CGN: variants seen among roughly 807,000 people sequenced by gnomAD.
CGN encodes cingulin.
A neutral mutation model predicts 157.1 loss-of-function variants in CGN; 121 were observed. That is an observed-to-expected ratio of 0.77 (90% CI 0.66 to 0.90). The LOEUF is 0.90. Among genes scored for constraint, CGN ranks in the 40% least tolerant of loss-of-function variants. The pLI is 0.00. For missense variants in CGN, 1,424 were observed against 1,520.9 expected (o/e 0.94, Z 1.06); for synonymous variants, 535 against 607.5 (o/e 0.88, Z 1.76).
At position 151,525,625 on chromosome 1, in the gene CGN, A is replaced by G. The variant is rs1341500449; in HGVS notation, c.1615-17A>G. 2.6e-6 allele frequency: 4 copies of G among 1,546,626 alleles called. No individual in the cohort carries two copies. Among genetic ancestry groups the G allele is most frequent in the Non-Finnish European group, 3.5e-6 (4 of 1,149,858 alleles). On this transcript the variant is annotated splice_polypyrimidine_tract_variant and intron_variant, in intron 8 of 20. Transcript: ENST00000271636. ...TTCCCTCTGAGCCTTCTGGTGTCCA[A>G]CTCTCCCCTTCTCTAGGACCATGCA...
rs532062226 is a variant in CGN at position 151,525,650 on chromosome 1, A to G, written c.1623A>G (p.Ala541=). 4 of 1,598,336 alleles carry G rather than the reference A, an allele frequency of 2.5e-6. No homozygotes were observed. The highest frequency in any genetic ancestry group is 1.7e-5 in the Admixed American group (1 of 57,410). Residue 541 remains alanine, a synonymous_variant, in exon 9 of 21, where the codon GCA becomes GCG. Transcript: ENST00000271636. ...ACTCTCCCCTTCTCTAGGACCATGC[A>G]GTGCTGGAGGCCGAGAGGCAGAAGA... ...RSMQDATQDH[A]VLEAERQKMS...
At chr1:151,520,774 C>G in intron 5 of CGN, 83 bp downstream of exon 5, 1 of 1,042,030 alleles carries the variant, frequency 9.6e-7, no homozygotes, top group Admixed American at 2.0e-5. Context: ...GCTGACCCTT[C>G]TAAGCAATGG....
At chr1:151,516,841 C>T (rs915948062) in intron 1 of CGN, among the ~76,000 whole-genome samples, 24 of 151,390 alleles carry the variant, frequency 1.6e-4, no homozygotes, top group Non-Finnish European at 3.1e-4. Context: ...CATGCCCGGC[C>T]GAGTGGCACA....
chr1:151,520,678 A>C lies in CGN; in HGVS notation c.1127A>C (p.Asp376Ala). ...RKVEELQRKL[D>A]EEVKKRQKLE... ...GTGGAGGAGCTACAGCGAAAGCTGG[A>C]TGAAGAGGTGAAGGTAAGGAAAGGT... The change falls in exon 5 of 21, where the codon GAT becomes GCT. Residue 376 changes from aspartate to alanine, a missense_variant. This residue lies in a region of CGN where 1,187 missense variants were observed against 1,217.6 expected (regional missense o/e 0.97). Coordinates refer to ENST00000271636, the MANE Select transcript of CGN (RefSeq NM_020770.3). 1 of 1,613,728 alleles carries C rather than the reference A, an allele frequency of 6.2e-7. No individual in the cohort carries two copies. Among genetic ancestry groups the C allele is most frequent in the Non-Finnish European group, 8.5e-7 (1 of 1,179,812 alleles).
At chr1:151,528,599 T>C (rs774941180) in intron 10 of CGN, among the ~76,000 whole-genome samples, 8 of 152,002 alleles carry the variant, frequency 5.3e-5, no homozygotes, top group Non-Finnish European at 1.2e-4. Flanking sequence ...GTATTTTTGG[T>C]AGAGACAGGG....
upstream of CGN, chr1:151,511,311 G>C (rs1664279520): frequency 6.5e-6 from 1 of 153,130 alleles, no homozygotes. The surrounding 1 kb of genome is among the most constrained non-coding windows in gnomAD (Gnocchi z 4.8). Flanking sequence ...AGCGGGGAAA[G>C]GCGGGGCGGG....
chr1:151,518,663 CAGT>C lies in CGN; in HGVS notation c.146_148del (p.Ser49del), dbSNP rs780306512. 1.2e-6 allele frequency: 2 copies of C among 1,614,182 alleles called. No individual in the cohort carries two copies. The highest frequency in any genetic ancestry group is 2.2e-5 in the South Asian group (2 of 91,076). ...GACGCCCAGCTAAGGATGCAAGAGCCAGTACCTACGGGGTTGCTGTGCGTGTGC... is the reference window on the plus strand; with the variant it reads ...GACGCCCAGCTAAGGATGCAAGAGCCACCTACGGGGTTGCTGTGCGTGTGC... On this transcript the variant is annotated inframe_deletion, in exon 2 of 21. Transcript: ENST00000271636.
upstream of CGN, among the ~76,000 whole-genome samples, chr1:151,511,167 GC>G (rs1664274513): frequency 6.6e-6 from 1 of 152,186 alleles, no homozygotes; most frequent in African/African-American, 2.4e-5. The surrounding 1 kb of genome is among the most constrained non-coding windows in gnomAD (Gnocchi z 4.8). Flanking sequence ...TGGCCTCCGC[GC>G]CCCTCGCCGC....
chr1:151,532,632 T>TTC, intron 14 of CGN, 60 bp downstream of exon 14: 1 of 1,206,794 alleles, frequency 8.3e-7, no homozygotes, highest in African/African-American at 1.6e-5. Context: ...TTTTTTTTTT[T>TTC]TGTCCGAGAC....
At chr1:151,522,731 T>C (rs1365615615) in intron 5 of CGN, among the ~76,000 whole-genome samples, 1 of 151,888 alleles carries the variant, frequency 6.6e-6, no homozygotes, top group Non-Finnish European at 1.5e-5. Flanking sequence ...CTGACCAACA[T>C]GGAGAAACCC....
chr1:151,524,958 T>A lies in CGN; in HGVS notation c.1614+72T>A. 3.8e-6 allele frequency: 5 copies of A among 1,310,686 alleles called. No homozygotes were observed. The highest frequency in any genetic ancestry group is 5.3e-6 in the Non-Finnish European group (5 of 938,452). 81.2% of individuals were successfully genotyped at this position (1,310,686 alleles called of 1,614,324 possible). A position where few individuals can be genotyped will look rare whatever the true frequency, so the allele number is the denominator to read the frequency against. On this transcript the variant is annotated intron_variant, in intron 8 of 20. Transcript: ENST00000271636. The surrounding 1 kb of genome is among the most constrained non-coding windows in gnomAD (Gnocchi z 4.4). ...ACAAGGCTGCCTTGGGATCTTGGAC[T>A]TTTGGACTTTTCATGGTTGCAACTG...
intron 1 of CGN, among the ~76,000 whole-genome samples, chr1:151,513,742 C>G (rs533481827): frequency 3.3e-5 from 5 of 152,154 alleles, no homozygotes; most frequent in African/African-American, 1.2e-4. Flanking sequence ...TGGGGCAGGG[C>G]AGGCTAATGA....
chr1:151,532,594 G>T, intron 14 of CGN, 22 bp downstream of exon 14: 1 of 1,355,516 alleles, frequency 7.4e-7, no homozygotes, highest in Non-Finnish European at 9.8e-7. Flanking sequence ...ATATCCTTGG[G>T]TTTGAAGGTC....
intron 10 of CGN, among the ~76,000 whole-genome samples, chr1:151,528,096 C>T (rs1443760727): frequency 6.6e-6 from 1 of 150,696 alleles, no homozygotes; most frequent in African/African-American, 2.4e-5. Flanking sequence ...GCTGGGACTA[C>T]AGGCGCCCAC....
rs41272459 is a variant in CGN at position 151,530,113 on chromosome 1, G to A, written c.2311G>A (p.Glu771Lys). The A allele has an allele frequency of 8.7e-3, 14,047 of 1,610,014 alleles. 82 individuals carry two copies. The highest frequency in any genetic ancestry group is 9.7e-3 in the Non-Finnish European group (11,454 of 1,176,856). Reference protein sequence around the residue: ...ARLRDKLQRLEAEKQQLEEAL... With the variant: ...ARLRDKLQRLKAEKQQLEEAL... ...ACTACGGGACAAGCTGCAGCGGCTG[G>A]AGGTCAGTGGTTCTGCCCTCCCAGC... Residue 771 changes from glutamate to lysine, a missense_variant and splice_region_variant, in exon 12 of 21, where the codon GAG (glutamate) becomes AAG (lysine). Physicochemically the swap from Glu to Lys is moderately conservative, Grantham distance 56. Around this residue, in one of 3 missense-constraint regions of CGN, gnomAD observed 1,187 missense variants for 1,217.6 expected, o/e 0.97. Coordinates refer to ENST00000271636, the MANE Select transcript of CGN (RefSeq NM_020770.3).
chr1:151,536,283 G>T lies in CGN; in HGVS notation c.3244G>T (p.Val1082Phe), dbSNP rs138098004. The T allele has an allele frequency of 6.2e-7, 1 of 1,613,288 alleles. No homozygotes were observed. Among genetic ancestry groups the T allele is most frequent in the Non-Finnish European group, 8.5e-7 (1 of 1,179,344 alleles). ...TACCAATCGAAAACTGGAGCGGAAAGTTAAAGAACTATCCATCCAGATTGA... is the reference window on the plus strand; with the variant it reads ...TACCAATCGAAAACTGGAGCGGAAATTTAAAGAACTATCCATCCAGATTGA... ...QSTNRKLERK[V>F]KELSIQIEDE... Residue 1082 changes from valine to phenylalanine, a missense_variant, in exon 19 of 21, where the codon GTT (valine) becomes TTT (phenylalanine). Val to Phe is a conservative substitution (Grantham distance 50). Around this residue, in one of 3 missense-constraint regions of CGN, gnomAD observed 199 missense variants for 272.2 expected, o/e 0.73. Coordinates refer to ENST00000271636, the MANE Select transcript of CGN (RefSeq NM_020770.3).
At chr1:151,510,385 A>G (rs973272515), upstream of CGN, 1 of 152,198 alleles carries the variant, frequency 6.6e-6, no homozygotes, top group Non-Finnish European at 1.5e-5. Flanking sequence ...AACGAAGTCA[A>G]TCTCTTTTTT....
chr1:151,513,095 T>A (rs1300053011), intron 1 of CGN, among the ~76,000 whole-genome samples: 1 of 152,234 alleles, frequency 6.6e-6, no homozygotes, highest in Non-Finnish European at 1.5e-5. Context: ...CTGCTCCTCC[T>A]GCCTGTTCCC....
chr1:151,532,677 T>G (rs1338656361), intron 14 of CGN, 105 bp downstream of exon 14: 2 of 927,720 alleles, frequency 2.2e-6, no homozygotes, highest in Non-Finnish European at 2.9e-6. Flanking sequence ...TGGAGTTCAG[T>G]GGCGCGATCT....
Sources: gnomAD v4.1 joint callset for allele counts (sites outside exome capture counted in the v4.1 genomes callset) on GRCh38, gnomAD v4.1.1 for gene constraint, gnomAD v4.1.1 regional missense constraint, Gnocchi (gnomAD v3.1) non-coding constraint, MANE v1.5 for transcripts, NCBI Gene and HGNC (gene_info 2026-07-23, HGNC 2026-07-21) for gene names.